CASZ1: variants seen among roughly 807,000 people sequenced by gnomAD.
CASZ1 encodes castor zinc finger 1.
A neutral mutation model predicts 135.2 loss-of-function variants in CASZ1; 28 were observed. The ratio of observed to expected loss-of-function variants is 0.21; its 90% CI spans 0.15 to 0.28. CASZ1 has a LOEUF of 0.28. Ranked by LOEUF, CASZ1 falls within the 10% of genes least tolerant of loss-of-function variation. CASZ1 has a pLI of 1.00. For synonymous variants in CASZ1, 1,068 were observed against 1,073.4 expected (o/e 0.99, Z 0.10); for missense variants, 2,161 against 2,453.3 (o/e 0.88, Z 2.52).
rs1168239036 is a variant in CASZ1 at position 10,666,996 on chromosome 1, G to A, written c.17-1425C>T. Among the ~76,000 whole-genome samples the A allele has an allele frequency of 4.6e-5, 7 of 152,202 alleles. No individual in the cohort carries two copies. The highest frequency in any genetic ancestry group is 4.1e-4 in the South Asian group (2 of 4,832). Reference sequence around the variant, plus strand: ...CATGGCCCTCACGGGAGGAATGGGCGTGTCAGAGTCTCCACATAGGCGGGA... The same window carrying A: ...CATGGCCCTCACGGGAGGAATGGGCATGTCAGAGTCTCCACATAGGCGGGA... On this transcript the variant is annotated intron_variant, in intron 4 of 20. Coordinates refer to ENST00000377022, the MANE Select transcript of CASZ1 (RefSeq NM_001079843.3). This position sits in a 1 kb window ranked among gnomAD's most constrained non-coding sequence, Gnocchi z 5.2.
At chr1:10,760,006 C>T (rs555011321) in intron 2 of CASZ1, among the ~76,000 whole-genome samples, 9 of 152,336 alleles carry the variant, frequency 5.9e-5, no homozygotes, top group South Asian at 2.1e-4. Flanking sequence ...AGAACTGCCA[C>T]GTTTGATACC....
At chr1:10,644,072 G>A (rs532754093) in intron 18 of CASZ1, among the ~76,000 whole-genome samples, 31 of 152,356 alleles carry the variant, frequency 2.0e-4, no homozygotes, top group African/African-American at 6.7e-4. Context: ...CTTTGAGGAT[G>A]TCACCTTTCA....
In CASZ1 at chr1:10,660,344, C is replaced by T. The variant is rs748111849; in HGVS notation, c.698G>A (p.Arg233Gln). ...CTCCTCATACTTAGAGAACCGCGCC[C>T]GCTTGCTGAGGGTATCCTCGGAGGT... ...LPTSEDTLSKRARFSKYEEYI... is the reference protein window; with the variant it reads ...LPTSEDTLSKQARFSKYEEYI... Residue 233 changes from arginine to glutamine, a missense_variant, in exon 6 of 21, where the codon CGG becomes CAG. By Grantham distance (43) the Arg-to-Gln change is conservative. Coordinates refer to ENST00000377022, the MANE Select transcript of CASZ1 (RefSeq NM_001079843.3). 3.2e-5 allele frequency: 51 copies of T among 1,614,040 alleles called. No homozygotes were observed. The highest frequency in any genetic ancestry group is 1.6e-4 in the Middle Eastern group (1 of 6,084).
chr1:10,744,421 C>CAGGGGAA (rs1469527421), intron 2 of CASZ1, among the ~76,000 whole-genome samples: 4 of 71,902 alleles, frequency 5.6e-5, no homozygotes, highest in South Asian at 7.3e-4. Flanking sequence ...GTCCTGGGCA[C>CAGGGGAA]CACGAGCAGG....
intron 1 of CASZ1, among the ~76,000 whole-genome samples, chr1:10,783,084 G>A (rs1040725862): frequency 6.6e-6 from 1 of 152,200 alleles, no homozygotes; most frequent in Non-Finnish European, 1.5e-5. Flanking sequence ...CACACAGGGC[G>A]CTGGGCAATG....
chr1:10,639,629 C>G lies in CASZ1; in HGVS notation c.4593G>C (p.Thr1531=), dbSNP rs369592883. 2.5e-6 allele frequency: 4 copies of G among 1,608,100 alleles called. No homozygotes were observed. The highest frequency in any genetic ancestry group is 2.2e-5 in the South Asian group (2 of 90,356). ...GTTTGCCGTGGTGCTTGCGATGCGC[C>G]GTGACCTTGGTGCTGTCGGTGCAGC... The part of the protein sequence containing the change: ...RFRCTDSTKV[T]AHRKHHGKQD... The change falls in exon 21 of 21, where the codon ACG becomes ACC. Residue 1531 remains threonine, a synonymous_variant. Coordinates refer to ENST00000377022, the MANE Select transcript of CASZ1 (RefSeq NM_001079843.3). This position sits in a 1 kb window ranked among gnomAD's most constrained non-coding sequence, Gnocchi z 4.0.
intron 1 of CASZ1, among the ~76,000 whole-genome samples, chr1:10,764,334 C>T (rs1215478153): frequency 6.6e-6 from 1 of 152,230 alleles, no homozygotes; most frequent in African/African-American, 2.4e-5. Flanking sequence ...GGACCATGTG[C>T]CTACTATGTG....
At chr1:10,772,427 T>C (rs916240682) in intron 1 of CASZ1, among the ~76,000 whole-genome samples, 16 of 152,178 alleles carry the variant, frequency 1.1e-4, no homozygotes, top group Non-Finnish European at 2.1e-4. Flanking sequence ...CAGCCTTGTT[T>C]CTGCGGGGGA....
intron 5 of CASZ1, among the ~76,000 whole-genome samples, 163 bp downstream of exon 5, chr1:10,664,920 C>A (rs887431838): frequency 1.3e-5 from 2 of 152,052 alleles, no homozygotes; most frequent in African/African-American, 4.8e-5. Context: ...GTGCCCCTCC[C>A]CGTCCTAGTC....
intron 20 of CASZ1, among the ~76,000 whole-genome samples, chr1:10,641,747 G>A (rs1042636568): frequency 1.3e-5 from 2 of 152,244 alleles, no homozygotes; most frequent in African/African-American, 2.4e-5. Context: ...CAGGGCCTCC[G>A]GCAGGATCAG....
At position 10,676,601 on chromosome 1, in the gene CASZ1, TA is replaced by T. The variant is rs1638232171; in HGVS notation, c.17-11031del. 1.3e-5 allele frequency among the ~76,000 whole-genome samples: 2 copies of T among 152,200 alleles called. No homozygotes were observed. The highest frequency in any genetic ancestry group is 4.1e-4 in the South Asian group (2 of 4,822). ...CTGTGCCTCGGTGGACCAACCTGCC[TA>T]GGGGTGCCCTGGGATCCTATTTCCA... On this transcript the variant is annotated intron_variant, in intron 4 of 20. Coordinates refer to ENST00000377022, the MANE Select transcript of CASZ1 (RefSeq NM_001079843.3). This position sits in a 1 kb window ranked among gnomAD's most constrained non-coding sequence, Gnocchi z 4.5.
rs138688375 is a variant in CASZ1, at chr1:10,650,728, C to A, written c.2844G>T (p.Pro948=). Residue 948 remains proline, a synonymous_variant, in exon 13 of 21, where the codon CCG becomes CCT. Coordinates refer to ENST00000377022, the MANE Select transcript of CASZ1 (RefSeq NM_001079843.3). ...GCGAGGATAAAAGAGATGAATTTGC[C>A]GGGACTGCGTGGCCATTTGATTCGT... ...PSNESNGHAV[P]ANSSLLSSLM... is the part of the protein sequence containing the mutation. 18 of 1,614,110 alleles carry A rather than the reference C, an allele frequency of 1.1e-5. No individual in the cohort carries two copies. The highest frequency in any genetic ancestry group is 1.4e-5 in the Non-Finnish European group (17 of 1,179,954).
intron 2 of CASZ1, among the ~76,000 whole-genome samples, chr1:10,754,733 C>T (rs1159381351): frequency 6.6e-6 from 1 of 152,192 alleles, no homozygotes; most frequent in Non-Finnish European, 1.5e-5. Context: ...GTGGGACTCA[C>T]AGCTGCTGCC....
intron 1 of CASZ1, among the ~76,000 whole-genome samples, chr1:10,786,393 G>A (rs1640859497): frequency 6.6e-6 from 1 of 152,198 alleles, no homozygotes; most frequent in Admixed American, 6.5e-5. Context: ...AGGCCAGAGA[G>A]GTAAAGGACA....
chr1:10,780,934 T>C (rs576543381), intron 1 of CASZ1, among the ~76,000 whole-genome samples: 11 of 152,242 alleles, frequency 7.2e-5, no homozygotes, highest in African/African-American at 2.6e-4. Context: ...CGGCCCTCAG[T>C]AAATGTCTAT....
chr1:10,712,047 A>G (rs1436593972), intron 2 of CASZ1, among the ~76,000 whole-genome samples: 1 of 152,162 alleles, frequency 6.6e-6, no homozygotes, highest in Non-Finnish European at 1.5e-5. Context: ...TGATTTCTAT[A>G]CTTTAAAGTG....
chr1:10,661,702 C>T (rs562336639), intron 5 of CASZ1, among the ~76,000 whole-genome samples: 62 of 152,096 alleles, frequency 4.1e-4, no homozygotes, highest in Non-Finnish European at 7.6e-4. Context: ...TTCTCAAACA[C>T]ACCTACACAG....
At chr1:10,674,003 A>C (rs1024337839) in intron 4 of CASZ1, among the ~76,000 whole-genome samples, 1 of 152,218 alleles carries the variant, frequency 6.6e-6, no homozygotes, top group African/African-American at 2.4e-5. Flanking sequence ...ATCAGAGCAG[A>C]AGCTCAGCTA....
chr1:10,726,982 G>A lies in CASZ1; in HGVS notation c.-76-21438C>T, dbSNP rs958252779. The stretch of plus-strand genomic sequence containing the variant: ...GTTTCTCTATCACGAAAGCCAGGAC[G>A]GAGGGGAGGGAGACCGGGAGAGGTG... On this transcript the variant is annotated intron_variant, in intron 2 of 20. Transcript: ENST00000377022. This position sits in a 1 kb window ranked among gnomAD's most constrained non-coding sequence, Gnocchi z 5.7. Among the ~76,000 whole-genome samples, 2 of 152,338 alleles carry A rather than the reference G, an allele frequency of 1.3e-5. No individual in the cohort carries two copies. Among genetic ancestry groups the A allele is most frequent in the Admixed American group, 6.5e-5 (1 of 15,306 alleles).
Sources: allele counts gnomAD v4.1 joint callset (sites outside exome capture counted in the v4.1 genomes callset), GRCh38; gene constraint gnomAD v4.1.1; non-coding constraint Gnocchi (gnomAD v3.1); transcripts MANE v1.5; gene names NCBI Gene and HGNC (gene_info 2026-07-23, HGNC 2026-07-21).